Variants in NPLOC4 observed in about 807,000 individuals in gnomAD.
NPLOC4 encodes nuclear protein localization protein 4 homolog.
In NPLOC4, 18 loss-of-function variants were observed where a neutral mutation model predicts 80.6. The observed-to-expected ratio is 0.22, with a 90% confidence interval of 0.15 to 0.33. The LOEUF is 0.33. Among genes scored for constraint, NPLOC4 ranks in the 10% least tolerant of loss-of-function variants. The pLI, the probability that NPLOC4 is intolerant of heterozygous loss-of-function variation, is 1.00. For missense variants in NPLOC4, 540 were observed against 786.1 expected (o/e 0.69, Z 3.74); for synonymous variants, 313 against 301.5 (o/e 1.04, Z -0.39).
Position 81,608,802 on chromosome 17 carries a change from T to G in NPLOC4, c.456A>C (p.Leu152=). 1 of 1,586,584 alleles carries G rather than the reference T, an allele frequency of 6.3e-7. No homozygotes were observed. The change falls in exon 6 of 17, where the codon CTA becomes CTC. Residue 152 remains leucine (L), a synonymous_variant. Transcript: ENST00000331134. Reference sequence around the variant, plus strand: ...GCTTCACGGGAGGCTCGAGATGGTTTAGATAGTCCTCATCGAATGGCTGCC... The same window carrying G: ...GCTTCACGGGAGGCTCGAGATGGTTGAGATAGTCCTCATCGAATGGCTGCC... ...VPLEPFDEDY[L]NHLEPPVKHM...
Position 81,572,207 on chromosome 17 carries a change from G to A in NPLOC4, c.1282-119C>T. The A allele has an allele frequency of 2.2e-6, 1 of 461,574 alleles. No individual in the cohort carries two copies. The highest frequency in any genetic ancestry group is 3.3e-6 in the Non-Finnish European group (1 of 300,826). 28.6% of individuals were successfully genotyped at this position (461,574 alleles called of 1,614,324 possible). ...TAATTTATTTATTTATTTATTTTTT[G>A]AGACAGAGTCTTGTGCTGTCGCCCA... On this transcript the variant is annotated intron_variant, in intron 12 of 16. Transcript: ENST00000331134. The surrounding 1 kb of genome is among the most constrained non-coding windows in gnomAD (Gnocchi z 4.5).
chr17:81,593,399 G>A lies in NPLOC4; in HGVS notation c.1120+2717C>T, dbSNP rs377051420. On this transcript the variant is annotated intron_variant, in intron 11 of 16. Transcript: ENST00000331134. ...ACGGATCCTGCTGTGCTGTCCTCAC[G>A]AGTCAGTCCAGAAGCACTGACACAC... Among the ~76,000 whole-genome samples, 2 of 152,008 alleles carry A rather than the reference G, an allele frequency of 1.3e-5. 1 individual carries two copies. The highest frequency in any genetic ancestry group is 3.9e-4 in the East Asian group (2 of 5,152).
chr17:81,613,293 C>A, intron 4 of NPLOC4, 25 bp downstream of exon 4: 4 of 1,600,276 alleles, frequency 2.5e-6, no homozygotes, highest in South Asian at 2.2e-5. Context: ...ACAAGTAGGA[C>A]CCTGGAATCT....
At chr17:81,595,955 GT>G (rs200839096) in intron 11 of NPLOC4, among the ~76,000 whole-genome samples, 160 bp downstream of exon 11, 3,213 of 20,466 alleles carry the variant, frequency 0.16, 122 homozygotes, top group African/African-American at 0.31. Context: ...CTGTTAAGTT[GT>G]TCAGAATTTT....
chr17:81,604,867 G>C (rs1031334295), intron 7 of NPLOC4, 140 bp from the exon 8 acceptor site: 2 of 756,652 alleles, frequency 2.6e-6, no homozygotes, highest in Non-Finnish European at 4.2e-6. Flanking sequence ...GTGCATGCCT[G>C]TGGTCCCAGA....
chr17:81,606,398 G>A (rs1050360679), intron 7 of NPLOC4, among the ~76,000 whole-genome samples: 2 of 152,106 alleles, frequency 1.3e-5, no homozygotes, highest in Admixed American at 6.6e-5. Flanking sequence ...AACCTTCAGA[G>A]CCAGTTTCCT....
chr17:81,611,990 T>A (rs903967695), intron 4 of NPLOC4, among the ~76,000 whole-genome samples: 49 of 145,684 alleles, frequency 3.4e-4, no homozygotes, highest in Non-Finnish European at 4.5e-4. Context: ...AAGTGTTAAA[T>A]AAATAATAAC....
intron 12 of NPLOC4, among the ~76,000 whole-genome samples, chr17:81,574,701 T>C (rs1176618407): frequency 6.6e-6 from 1 of 152,112 alleles, no homozygotes; most frequent in Non-Finnish European, 1.5e-5. Context: ...CAGGGATCGA[T>C]GTCTTTGTTA....
intron 8 of NPLOC4, among the ~76,000 whole-genome samples, chr17:81,603,599 A>G (rs1242623940): frequency 6.6e-6 from 1 of 152,160 alleles, no homozygotes; most frequent in East Asian, 1.9e-4. Flanking sequence ...CATCTCTAAA[A>G]AATAAATAAA....
At chr17:81,566,605 T>C (rs1391459152) in intron 15 of NPLOC4, 1 of 151,998 alleles carries the variant, frequency 6.6e-6, no homozygotes, top group African/African-American at 2.4e-5. Context: ...GAGTGAGTGG[T>C]TTTGAGACAA....
At chr17:81,621,216 C>T (rs1194331512) in intron 3 of NPLOC4, among the ~76,000 whole-genome samples, 1 of 152,148 alleles carries the variant, frequency 6.6e-6, no homozygotes, top group African/African-American at 2.4e-5. Context: ...TGGAAATGAA[C>T]ATCAACAACA....
At chr17:81,573,553 C>T (rs536605970) in intron 12 of NPLOC4, 8 of 152,322 alleles carry the variant, frequency 5.3e-5, no homozygotes, top group Admixed American at 2.0e-4. Flanking sequence ...GATCCAACTC[C>T]TTGTTCTACT....
chr17:81,627,867 C>G (rs1336531853), intron 2 of NPLOC4, among the ~76,000 whole-genome samples: 1 of 151,946 alleles, frequency 6.6e-6, no homozygotes, highest in Non-Finnish European at 1.5e-5. Context: ...ACCCAGGAGG[C>G]GGAGGTTGCA....
intron 6 of NPLOC4, among the ~76,000 whole-genome samples, chr17:81,607,071 G>GT (rs1436650876): frequency 2.0e-5 from 3 of 152,140 alleles, no homozygotes; most frequent in African/African-American, 4.8e-5. Context: ...AAACTGTGGT[G>GT]TTTTTTACCA....
At chr17:81,574,732 C>T (rs1430488247) in intron 12 of NPLOC4, among the ~76,000 whole-genome samples, 1 of 152,092 alleles carries the variant, frequency 6.6e-6, no homozygotes, top group African/African-American at 2.4e-5. Context: ...AATGGGGATG[C>T]CCAGGGCACA....
rs2034558154 is a variant in NPLOC4 at position 81,585,614 on chromosome 17, T to C, written c.1281+3330A>G. On this transcript the variant is annotated intron_variant, in intron 12 of 16. Transcript: ENST00000331134. ...TGGCAGAGGTTGCAGTGAGCCGAGA[T>C]CAGGCCACTGCACTCCAGCCTGGGA... Among the ~76,000 whole-genome samples, 5 of 137,186 alleles carry C rather than the reference T, an allele frequency of 3.6e-5. 1 individual carries two copies. In the South Asian group the frequency reaches 1.3e-3, roughly 35 times the overall value. The allele number at this position is 137,186 out of a possible 152,430, so 90.0% of individuals were successfully genotyped here. A position where few individuals can be genotyped will look rare whatever the true frequency, so the allele number is the denominator to read the frequency against.
chr17:81,616,580 A>G (rs552951270), intron 3 of NPLOC4, among the ~76,000 whole-genome samples: 1 of 151,602 alleles, frequency 6.6e-6, no homozygotes, highest in East Asian at 2.0e-4. Context: ...AATAGAAAAA[A>G]TTAGCCGGGC....
rs761777816 is a variant in NPLOC4, at chr17:81,559,372, C to A, written c.1714G>T (p.Val572Phe). 1 of 1,609,450 alleles carries A rather than the reference C, an allele frequency of 6.2e-7. No homozygotes were observed. The highest frequency in any genetic ancestry group is 1.1e-5 in the South Asian group (1 of 90,190). ...QLPGLHEYGA[V>F]GGSTHTATAA... ...GTGGCCGTGTGTGTGGAGCCCCCGA[C>A]GGCGCCGTACTCATGGAGACCTGGG... Residue 572 changes from valine (V) to phenylalanine (F), a missense_variant, in exon 17 of 17, where the codon GTC becomes TTC. This residue lies in a region of NPLOC4 where 87 missense variants were observed against 70.3 expected (regional missense o/e 1.24). Transcript: ENST00000331134.
At chr17:81,617,271 C>T (rs9747349) in intron 3 of NPLOC4, among the ~76,000 whole-genome samples, 82,828 of 151,998 alleles carry the variant, frequency 0.54, 23,698 homozygotes, top group East Asian at 0.77. Flanking sequence ...AATCAGATTA[C>T]GTATTTATTT....
Sources: gnomAD v4.1 joint callset for allele counts (sites outside exome capture counted in the v4.1 genomes callset) on GRCh38, gnomAD v4.1.1 for gene constraint, gnomAD v4.1.1 regional missense constraint, Gnocchi (gnomAD v3.1) non-coding constraint, MANE v1.5 for transcripts, NCBI Gene and HGNC (gene_info 2026-07-23, HGNC 2026-07-21) for gene names.